DARS1: variants seen among roughly 807,000 people sequenced by gnomAD.
The protein encoded by DARS1 is aspartate--tRNA ligase, cytoplasmic.
In DARS1, 51 loss-of-function variants were observed where a neutral mutation model predicts 68.8. The observed-to-expected ratio is 0.74, with a 90% confidence interval of 0.59 to 0.94. The LOEUF (loss-of-function observed/expected upper bound fraction) is 0.94, where lower values mean the gene tolerates loss of function less well. DARS1 is among the 40% of genes least tolerant of loss of function. DARS1 has a pLI of 0.00. For missense variants in DARS1, 607 were observed against 597.3 expected (o/e 1.02, Z -0.17); for synonymous variants, 203 against 190.4 (o/e 1.07, Z -0.55).
At chr2:135,914,172 A>G (rs1048555242) in intron 12 of DARS1, among the ~76,000 whole-genome samples, 38 of 152,228 alleles carry the variant, frequency 2.5e-4, no homozygotes, top group African/African-American at 9.2e-4. Context: ...TAATTTTCAA[A>G]TAACTTGGAG....
chr2:135,928,436 A>T (rs1355331787), intron 7 of DARS1, among the ~76,000 whole-genome samples: 4 of 152,000 alleles, frequency 2.6e-5, no homozygotes, highest in African/African-American at 9.7e-5. Context: ...TCTGTTGCCC[A>T]GGCTGGAGTG....
intron 4 of DARS1, among the ~76,000 whole-genome samples, chr2:135,947,738 C>T (rs1252805046): frequency 6.6e-6 from 1 of 151,360 alleles, no homozygotes; most frequent in Non-Finnish European, 1.5e-5. Context: ...TTAAATATCT[C>T]AGAATGCATC....
rs766427338 is a variant in DARS1 at position 135,983,430 on chromosome 2, T to G, written c.91A>C (p.Ile31Leu). 1.6e-6 allele frequency: 2 copies of G among 1,223,914 alleles called. No homozygotes were observed. Among genetic ancestry groups the G allele is most frequent in the Non-Finnish European group, 2.4e-6 (2 of 830,918 alleles). 75.8% of individuals were successfully genotyped at this position (1,223,914 alleles called of 1,614,324 possible). Residue 31 changes from isoleucine (I) to leucine (L), a missense_variant, in exon 2 of 16, where the codon ATA (isoleucine) becomes CTA (leucine). Physicochemically the swap from Ile to Leu is conservative, Grantham distance 5. Coordinates refer to ENST00000264161, the MANE Select transcript of DARS1 (RefSeq NM_001349.4). ...TCTTGTGATTGTATCATTGAAGATA[T>G]TCCATATCTCTCTTTAGCATAATCC... ...AEDYAKERYG[I>L]SSMIQSQEKP... is the part of the protein sequence containing the mutation.
rs76729798 is a variant in DARS1 at position 135,949,707 on chromosome 2, C to T, written c.321-6227G>A. ...TCCATGAGAAAATTGATCTTTCCAA[C>T]AAATTGATTAAAATAATGTGTGAAG... On this transcript the variant is annotated intron_variant, in intron 4 of 15. Coordinates refer to ENST00000264161, the MANE Select transcript of DARS1 (RefSeq NM_001349.4). 7.7e-3 allele frequency among the ~76,000 whole-genome samples: 1,167 copies of T among 152,290 alleles called. 99 individuals carry two copies. In the East Asian group the frequency reaches 0.2, roughly 25 times the overall value.
intron 3 of DARS1, among the ~76,000 whole-genome samples, chr2:135,971,850 C>T (rs1206877451): frequency 1.3e-5 from 2 of 151,690 alleles, no homozygotes; most frequent in Non-Finnish European, 2.9e-5. Flanking sequence ...CATACAATAA[C>T]CACAAATAAA....
intron 4 of DARS1, among the ~76,000 whole-genome samples, chr2:135,946,842 C>T (rs989687637): frequency 3.9e-5 from 6 of 152,100 alleles, no homozygotes; most frequent in Admixed American, 3.9e-4. Context: ...AGAGAAGAAT[C>T]ACTGGGATCA....
At chr2:135,932,752 T>C (rs747812913) in intron 7 of DARS1, 31 bp downstream of exon 7, 6 of 986,002 alleles carry the variant, frequency 6.1e-6, no homozygotes, top group South Asian at 4.2e-5. Context: ...TGCGGCATAA[T>C]TGCTTCACTT....
intron 11 of DARS1, among the ~76,000 whole-genome samples, chr2:135,915,880 G>T (rs1680993127): frequency 1.3e-5 from 2 of 151,722 alleles, no homozygotes; most frequent in South Asian, 4.2e-4. Flanking sequence ...CAAACATGAG[G>T]GGAAAATAAT....
At position 135,924,422 on chromosome 2, in the gene DARS1, C is replaced by G. The variant is rs1681169694; in HGVS notation, c.641G>C (p.Gly214Ala). 1 of 1,605,816 alleles carries G rather than the reference C, an allele frequency of 6.2e-7. No individual in the cohort carries two copies. Among genetic ancestry groups the G allele is most frequent in the African/African-American group, 1.3e-5 (1 of 74,422 alleles). ...TTTAGGAGTTTGGATTTCCACAAAA[C>G]CTTTGTTAATTAAAGTTTCTCGGAA... ...HLFRETLINKGFVEIQTPKII... is the reference protein window; with the variant it reads ...HLFRETLINKAFVEIQTPKII... The change falls in exon 8 of 16, where the codon GGT (glycine) becomes GCT (alanine). Residue 214 changes from glycine (G) to alanine (A), a missense_variant. Coordinates refer to ENST00000264161, the MANE Select transcript of DARS1 (RefSeq NM_001349.4).
chr2:135,931,564 G>C lies in DARS1; in HGVS notation c.564+1219C>G, dbSNP rs576521119. 7.2e-4 allele frequency among the ~76,000 whole-genome samples: 109 copies of C among 152,190 alleles called. 3 individuals carry two copies. Among genetic ancestry groups the C allele is most frequent in the African/African-American group, 2.2e-3 (92 of 41,532 alleles). On this transcript the variant is annotated intron_variant, in intron 7 of 15. Coordinates refer to ENST00000264161, the MANE Select transcript of DARS1 (RefSeq NM_001349.4). Reference sequence around the variant, plus strand: ...AGACAGTAGTTTAGAAGGAAACGAAGGTGCTTAAAAACTTAAAGTTACTAA... The same window carrying C: ...AGACAGTAGTTTAGAAGGAAACGAACGTGCTTAAAAACTTAAAGTTACTAA...
chr2:135,920,194 T>C (rs1575385101), intron 10 of DARS1, among the ~76,000 whole-genome samples: 1 of 152,010 alleles, frequency 6.6e-6, no homozygotes, highest in African/African-American at 2.4e-5. Flanking sequence ...AACAACAAAA[T>C]ACAGTTGGAC....
chr2:135,973,181 T>A (rs1281596778), intron 3 of DARS1, among the ~76,000 whole-genome samples: 2 of 152,066 alleles, frequency 1.3e-5, no homozygotes, highest in African/African-American at 4.8e-5. Flanking sequence ...TAAGTATCCA[T>A]CAACAGATGA....
chr2:135,914,392 AC>A (rs1216930883), intron 12 of DARS1, 76 bp downstream of exon 12: 1 of 836,450 alleles, frequency 1.2e-6, no homozygotes, highest in Non-Finnish European at 2.1e-6. Flanking sequence ...GGAAGCTCAG[AC>A]CCCTCTGCAA....
In DARS1 at chr2:135,959,466, C is replaced by T. The variant is rs1043592050; in HGVS notation, c.320+1930G>A. Among the ~76,000 whole-genome samples the T allele has an allele frequency of 2.1e-4, 28 of 132,050 alleles. 1 individual carries two copies. In the Admixed American group the frequency reaches 2.2e-3, roughly 10 times the overall value. The allele number at this position is 132,050 out of a possible 152,430, so 86.6% of individuals were successfully genotyped here. ...GTATATCATCCCATTTGGATGAAAG[C>T]CTTTAATAAAATAATGATAAAAAGA... On this transcript the variant is annotated intron_variant, in intron 4 of 15. Coordinates refer to ENST00000264161, the MANE Select transcript of DARS1 (RefSeq NM_001349.4).
intron 3 of DARS1, among the ~76,000 whole-genome samples, chr2:135,977,204 A>T (rs1682520394): frequency 6.6e-6 from 1 of 152,244 alleles, no homozygotes; most frequent in Non-Finnish European, 1.5e-5. Flanking sequence ...AAATATTACT[A>T]CATAACATCT....
chr2:135,985,421 C>G lies in DARS1; in HGVS notation c.48G>C (p.Glu16Asp). ...ASRKSQEKPR[E>D]IMDAAEDYAK... Reference sequence around the variant, plus strand: ...AACCCACTTCCGCCGCGTCCATGATCTCCCGCGGCTTCTCCTGACTCTTGC... The same window carrying G: ...AACCCACTTCCGCCGCGTCCATGATGTCCCGCGGCTTCTCCTGACTCTTGC... Residue 16 changes from glutamate (E) to aspartate (D), a missense_variant, in exon 1 of 16, where the codon GAG becomes GAC. Coordinates refer to ENST00000264161, the MANE Select transcript of DARS1 (RefSeq NM_001349.4). 1.2e-6 allele frequency: 2 copies of G among 1,613,976 alleles called. No homozygotes were observed. Among genetic ancestry groups the G allele is most frequent in the South Asian group, 2.2e-5 (2 of 91,076 alleles).
intron 10 of DARS1, among the ~76,000 whole-genome samples, chr2:135,917,397 T>C (rs908142588): frequency 3.3e-5 from 5 of 152,338 alleles, no homozygotes; most frequent in East Asian, 1.9e-4. Flanking sequence ...GAAAAAAGTA[T>C]GTTTATATTC....
rs992435404 is a variant in DARS1, at chr2:135,907,242, C to CTTTTTTTTTTTTTTTTTTT, written c.*55_*73dup. 222 of 453,676 alleles carry CTTTTTTTTTTTTTTTTTTT rather than the reference C, an allele frequency of 4.9e-4. 16 individuals carry two copies. Among genetic ancestry groups the CTTTTTTTTTTTTTTTTTTT allele is most frequent in the African/African-American group, 8.8e-4 (31 of 35,346 alleles). 28.1% of individuals were successfully genotyped at this position (453,676 alleles called of 1,614,324 possible). On this transcript the variant is annotated 3_prime_UTR_variant, in exon 16 of 16. Coordinates refer to ENST00000264161, the MANE Select transcript of DARS1 (RefSeq NM_001349.4). Reference sequence around the variant, plus strand: ...TACTGAAAAGAATAAGTGTGGCTTTCTTTTTTTTTTTTTTTTTTTGAGGCA... The same window carrying CTTTTTTTTTTTTTTTTTTT: ...TACTGAAAAGAATAAGTGTGGCTTTCTTTTTTTTTTTTTTTTTTTTTTTTTTTTTTTTTTTTTTGAGGCA...
At chr2:135,965,199 T>G (rs1682196284) in intron 3 of DARS1, among the ~76,000 whole-genome samples, 1 of 151,992 alleles carries the variant, frequency 6.6e-6, no homozygotes, top group African/African-American at 2.4e-5. Flanking sequence ...AATATTAAAC[T>G]ATATCACGGA....
Sources: allele counts gnomAD v4.1 joint callset (sites outside exome capture counted in the v4.1 genomes callset), GRCh38; gene constraint gnomAD v4.1.1; transcripts MANE v1.5; gene names NCBI Gene and HGNC (gene_info 2026-07-23, HGNC 2026-07-21).